The following ESRRG variants were observed in gnomAD, a reference collection of about 807,000 sequenced individuals.
ESRRG encodes the protein estrogen-related receptor gamma.
A neutral mutation model predicts 44.0 loss-of-function variants in ESRRG; 13 were observed. The ratio of observed to expected loss-of-function variants is 0.30; its 90% CI spans 0.19 to 0.47. The LOEUF (loss-of-function observed/expected upper bound fraction) is 0.47, where lower values mean the gene tolerates loss of function less well. ESRRG is among the 20% of genes least tolerant of loss of function. ESRRG has a pLI of 1.00. For synonymous variants in ESRRG, 215 were observed against 214.6 expected, an observed-to-expected ratio of 1.00 and a Z score of -0.02; for missense variants, 395 against 580.6, an observed-to-expected ratio of 0.68 and a Z score of 3.29.
chr1:217,011,624 G>C (rs2377358), intron 1 of ESRRG, among the ~76,000 whole-genome samples: 1 of 36,522 alleles, frequency 2.7e-5, no homozygotes, highest in Non-Finnish European at 5.8e-5. Flanking sequence ...ACTAGCCTGG[G>C]ATTGCTTTGG....
chr1:216,601,916 GC>G (rs1409403417), intron 3 of ESRRG, among the ~76,000 whole-genome samples: 1 of 152,108 alleles, frequency 6.6e-6, no homozygotes, highest in African/African-American at 2.4e-5. Context: ...TCCATTCAAA[GC>G]CCTACAACCG....
At chr1:216,963,042 T>G (rs959331481) in intron 1 of ESRRG, among the ~76,000 whole-genome samples, 2 of 152,186 alleles carry the variant, frequency 1.3e-5, no homozygotes, top group African/African-American at 4.8e-5. Context: ...TTGGTTGTTT[T>G]GTGAAAGGAC....
chr1:216,763,181 G>A (rs1346831945), intron 2 of ESRRG, among the ~76,000 whole-genome samples: 2 of 151,860 alleles, frequency 1.3e-5, no homozygotes, highest in Non-Finnish European at 2.9e-5. Flanking sequence ...TACATTTTGG[G>A]TTTTCTTTCT....
rs373318600 is a variant in ESRRG at position 216,731,420 on chromosome 1, G to A, written c.-13-53929C>T. 2.6e-5 allele frequency among the ~76,000 whole-genome samples: 4 copies of A among 152,274 alleles called. No individual in the cohort carries two copies. The East Asian group carries it at 5.8e-4, about 22-fold the overall frequency. ...AAGACAAAGGTCTTACTTTTAGGCC[G>A]CTGTTTACCTCTCTTTACTCCTTGC... is the stretch of plus-strand genomic sequence containing the variant. On this transcript the variant is annotated intron_variant, in intron 2 of 7. Transcript: ENST00000359162.
chr1:216,580,543 C>T (rs2062565436), intron 3 of ESRRG, among the ~76,000 whole-genome samples: 1 of 152,106 alleles, frequency 6.6e-6, no homozygotes, highest in Non-Finnish European at 1.5e-5. Flanking sequence ...TATTTAGATA[C>T]TGAATATTGA....
In ESRRG at chr1:216,588,521, G is replaced by A. The variant is rs142299050; in HGVS notation, c.590-20423C>T. ...AGTCATCAGCATTTCAAAGACTTTG[G>A]AATAAAATCAGTTATTACACCCAAG... is the stretch of plus-strand genomic sequence containing the variant. On this transcript the variant is annotated intron_variant, in intron 3 of 6. Transcript: ENST00000408911. Among the ~76,000 whole-genome samples the A allele has an allele frequency of 8.1e-3, 1,228 of 152,112 alleles. 4 individuals carry two copies. Among genetic ancestry groups the A allele is most frequent in the Non-Finnish European group, 0.013 (868 of 67,984 alleles).
chr1:216,668,355 C>T (rs1397634657), intron 2 of ESRRG, among the ~76,000 whole-genome samples: 3 of 152,156 alleles, frequency 2.0e-5, no homozygotes, highest in South Asian at 2.1e-4. Flanking sequence ...TAGGCTCTTA[C>T]GTAGTGTCAC....
At chr1:216,556,211 A>G (rs1257081262) in intron 5 of ESRRG, among the ~76,000 whole-genome samples, 2 of 151,872 alleles carry the variant, frequency 1.3e-5, no homozygotes, top group African/African-American at 2.4e-5. Flanking sequence ...CCATTAACAA[A>G]AAAGAAGAGT....
intron 1 of ESRRG, among the ~76,000 whole-genome samples, chr1:216,966,350 C>T (rs546855450): frequency 7.9e-5 from 12 of 152,274 alleles, no homozygotes; most frequent in Non-Finnish European, 1.3e-4. Context: ...GCTGTCTATA[C>T]GTATGAATTC....
chr1:217,111,921 T>G (rs1244798169), intron 1 of ESRRG, among the ~76,000 whole-genome samples: 2 of 152,298 alleles, frequency 1.3e-5, no homozygotes, highest in African/African-American at 4.8e-5. Context: ...CATTGCCACT[T>G]GCATCCAGAT....
chr1:216,989,026 T>C (rs1291561486), intron 1 of ESRRG, among the ~76,000 whole-genome samples: 1 of 152,214 alleles, frequency 6.6e-6, no homozygotes, highest in African/African-American at 2.4e-5. Flanking sequence ...AGGCAGATGC[T>C]GGAGATAGAG....
intron 1 of ESRRG, among the ~76,000 whole-genome samples, chr1:217,073,210 A>C (rs1255684477): frequency 2.6e-5 from 2 of 76,906 alleles, no homozygotes; most frequent in Non-Finnish European, 2.7e-5. Flanking sequence ...AAAAAAAAAA[A>C]AAAAAAAAAA....
chr1:216,884,302 C>T (rs2096488473), intron 2 of ESRRG, among the ~76,000 whole-genome samples: 1 of 152,238 alleles, frequency 6.6e-6, no homozygotes, highest in Non-Finnish European at 1.5e-5. Context: ...ATGCCATGTT[C>T]AAAAGCCAAC....
chr1:216,528,394 T>A (rs918818845), intron 5 of ESRRG, among the ~76,000 whole-genome samples: 1 of 152,198 alleles, frequency 6.6e-6, no homozygotes, highest in Admixed American at 6.5e-5. Flanking sequence ...TCTCTTATAT[T>A]TATAAGTAAC....
At chr1:216,934,215 C>T (rs2063768607) in intron 2 of ESRRG, among the ~76,000 whole-genome samples, 1 of 152,130 alleles carries the variant, frequency 6.6e-6, no homozygotes. Context: ...GGGTGGATCA[C>T]TTGAGGTCAG....
intron 2 of ESRRG, among the ~76,000 whole-genome samples, chr1:216,746,275 A>G (rs12070175): frequency 0.21 from 32,403 of 152,098 alleles, 4,075 homozygotes; most frequent in African/African-American, 0.35. Flanking sequence ...CAGGGTCTGA[A>G]CTCTTTCTGC....
chr1:216,956,878 C>T (rs1255062077), intron 1 of ESRRG, among the ~76,000 whole-genome samples: 1 of 151,968 alleles, frequency 6.6e-6, no homozygotes, highest in African/African-American at 2.4e-5. Context: ...TAAACAAAAC[C>T]AAAAGGTTAA....
intron 1 of ESRRG, among the ~76,000 whole-genome samples, chr1:217,051,208 G>GGA (rs1350304346): frequency 7.9e-6 from 1 of 127,372 alleles, no homozygotes. Flanking sequence ...TGGGGGCGGG[G>GGA]GGGGGGGGTG....
At chr1:216,841,492 C>T (rs961523527) in intron 2 of ESRRG, among the ~76,000 whole-genome samples, 4 of 152,174 alleles carry the variant, frequency 2.6e-5, no homozygotes, top group African/African-American at 9.7e-5. Context: ...TGGGCAAAAA[C>T]AGCTGCCAAC....
Sources: gnomAD v4.1 joint callset for allele counts (sites outside exome capture counted in the v4.1 genomes callset) on GRCh38, gnomAD v4.1.1 for gene constraint, MANE v1.5 for transcripts, NCBI Gene and HGNC (gene_info 2026-07-23, HGNC 2026-07-21) for gene names.